Variants in RPS6KA1 observed in about 807,000 individuals in gnomAD.
RPS6KA1 encodes the protein ribosomal protein S6 kinase A1, also known as ribosomal protein S6 kinase alpha-1.
Under a neutral mutation model 91.3 loss-of-function variants are expected in RPS6KA1, and 48 were observed. That is an observed-to-expected ratio of 0.53 (90% CI 0.42 to 0.67). The LOEUF is 0.67. RPS6KA1 is among the 30% of genes least tolerant of loss of function. RPS6KA1 has a pLI of 0.00. For synonymous variants in RPS6KA1, 359 were observed against 384.7 expected (o/e 0.93, Z 0.78); for missense variants, 719 against 960.5 (o/e 0.75, Z 3.32).
Position 26,561,718 on chromosome 1 carries a change from A to G in RPS6KA1, c.1590+55A>G, listed in dbSNP as rs539352890. The stretch of plus-strand genomic sequence containing the variant: ...GGATGCCAAGGGTCATATCATCAGC[A>G]GAGAACATGAACCACCTGCTGGCCC... On this transcript the variant is annotated intron_variant, in intron 17 of 21. Transcript: ENST00000374168. This position sits in a 1 kb window ranked among gnomAD's most constrained non-coding sequence, Gnocchi z 5.7. 4.1e-5 allele frequency: 63 copies of G among 1,523,388 alleles called. No individual in the cohort carries two copies. Among genetic ancestry groups the G allele is most frequent in the African/African-American group, 3.3e-4 (24 of 72,690 alleles). The allele number at this position is 1,523,388 out of a possible 1,614,324, so 94.4% of individuals were successfully genotyped here. A position where few individuals can be genotyped will look rare whatever the true frequency, so the allele number is the denominator to read the frequency against.
chr1:26,530,881 C>A, intron 1 of RPS6KA1: 7 of 1,277,248 alleles, frequency 5.5e-6, no homozygotes, highest in Non-Finnish European at 7.1e-6. Flanking sequence ...TCCTCCTTAA[C>A]CTCTTGCTGG....
chr1:26,569,926 G>T (rs1358427441), intron 17 of RPS6KA1, among the ~76,000 whole-genome samples: 1 of 152,190 alleles, frequency 6.6e-6, no homozygotes, highest in African/African-American at 2.4e-5. Flanking sequence ...TAGGGACTTT[G>T]GGCTTTATCT....
chr1:26,573,174 C>T (rs1262420888), intron 20 of RPS6KA1, 50 bp from the exon 21 acceptor site: 8 of 1,591,400 alleles, frequency 5.0e-6, no homozygotes, highest in South Asian at 3.3e-5. Flanking sequence ...CCATCAGGGG[C>T]CTGCTCCCCT....
In RPS6KA1 at chr1:26,531,183, G is replaced by T. The variant is rs370617803; in HGVS notation, c.63+1200G>T. The stretch of plus-strand genomic sequence containing the variant: ...GGCTATTGGAGGGTGGGCGCGGCAG[G>T]ATTAGGTAACCAACCTGAAGGAGCA... On this transcript the variant is annotated intron_variant, in intron 1 of 21. Transcript: ENST00000374168. The T allele has an allele frequency of 4.0e-3, 626 of 157,608 alleles. 1 individual carries two copies. Among genetic ancestry groups the T allele is most frequent in the Admixed American group, 6.8e-3 (108 of 15,892 alleles). The allele number at this position is 157,608 out of a possible 1,614,324, so 9.8% of individuals were successfully genotyped here.
In RPS6KA1 at chr1:26,549,876, A is replaced by G. The variant is rs1168010575; in HGVS notation, c.308-1521A>G. Among the ~76,000 whole-genome samples, 4 of 119,910 alleles carry G rather than the reference A, an allele frequency of 3.3e-5. No homozygotes were observed. The South Asian group carries it at 1.1e-3, about 32-fold the overall frequency. The allele number at this position is 119,910 out of a possible 152,430, so 78.7% of individuals were successfully genotyped here. On this transcript the variant is annotated intron_variant, in intron 4 of 21. Coordinates refer to ENST00000374168, the MANE Select transcript of RPS6KA1 (RefSeq NM_002953.4). ...GCCACCACGCCTGGCTAATTTTTGT[A>G]TATATATTTTTTTCTTTTTTGAGAC... is the stretch of plus-strand genomic sequence containing the variant.
At chr1:26,541,502 C>CCA (rs2075947582) in intron 2 of RPS6KA1, among the ~76,000 whole-genome samples, 1 of 152,234 alleles carries the variant, frequency 6.6e-6, no homozygotes, top group African/African-American at 2.4e-5. Flanking sequence ...TTGCAGTGAG[C>CCA]TGAGATCTCA....
At chr1:26,567,169 G>A (rs977132644) in intron 17 of RPS6KA1, among the ~76,000 whole-genome samples, 9 of 151,762 alleles carry the variant, frequency 5.9e-5, no homozygotes, top group Admixed American at 1.3e-4. Flanking sequence ...GACTACAGGC[G>A]TGCCACCACA....
In RPS6KA1 at chr1:26,558,819, TC is replaced by T. The variant is rs745561139; in HGVS notation, c.1104del (p.Ser369AlafsTer18). ...TSRTPKDSPG[I>X]PPSAGAHQLF... The stretch of plus-strand genomic sequence containing the variant: ...TCCATCCGTACAGATTCCCCAGGCA[TC>T]CCCCCCAGCGCTGGGGCCCATCAGC... On this transcript the variant is annotated frameshift_variant, in exon 14 of 22. Coordinates refer to ENST00000374168, the MANE Select transcript of RPS6KA1 (RefSeq NM_002953.4). LOFTEE classifies it high-confidence loss of function. The surrounding 1 kb of genome is among the most constrained non-coding windows in gnomAD (Gnocchi z 4.0). 49 of 1,606,578 alleles carry T rather than the reference TC, an allele frequency of 3.0e-5. No homozygotes were observed. The highest frequency in any genetic ancestry group is 3.4e-5 in the Admixed American group (2 of 59,652).
chr1:26,545,443 TG>T (rs1333276091), intron 2 of RPS6KA1, among the ~76,000 whole-genome samples: 25 of 151,872 alleles, frequency 1.6e-4, no homozygotes, highest in South Asian at 4.2e-4. Flanking sequence ...CCCAAAGTGC[TG>T]GGATTACAGG....
rs2076157646 is a variant in RPS6KA1 at position 26,561,944 on chromosome 1, T to C, written c.1590+281T>C. Among the ~76,000 whole-genome samples, 1 of 152,200 alleles carries C rather than the reference T, an allele frequency of 6.6e-6. No homozygotes were observed. Among genetic ancestry groups the C allele is most frequent in the African/African-American group, 2.4e-5 (1 of 41,442 alleles). On this transcript the variant is annotated intron_variant, in intron 17 of 21. Coordinates refer to ENST00000374168, the MANE Select transcript of RPS6KA1 (RefSeq NM_002953.4). This position sits in a 1 kb window ranked among gnomAD's most constrained non-coding sequence, Gnocchi z 5.7. ...CAGACCAGGCATGGTAGCTCACGCC[T>C]GTAATCCCAGCAACTTGGGAGGGCA...
intron 2 of RPS6KA1, chr1:26,543,942 C>T (rs2075969883): frequency 5.0e-6 from 2 of 396,100 alleles, no homozygotes; most frequent in Non-Finnish European, 1.0e-5. Flanking sequence ...GGGTCCCCCT[C>T]AGGTCTTGGC....
chr1:26,543,190 T>C (rs183892190), intron 2 of RPS6KA1: 1 of 1,535,534 alleles, frequency 6.5e-7, no homozygotes, highest in East Asian at 2.4e-5. Flanking sequence ...TTCCCCAGGG[T>C]TGAGAGAGAC....
chr1:26,571,702 GTC>G lies in RPS6KA1; in HGVS notation c.1752+96_1752+97del, dbSNP rs1429596058. 5.3e-6 allele frequency: 8 copies of G among 1,523,702 alleles called. No individual in the cohort carries two copies. The East Asian group carries it at 1.7e-4, about 32-fold the overall frequency. The allele number at this position is 1,523,702 out of a possible 1,614,324, so 94.4% of individuals were successfully genotyped here. On this transcript the variant is annotated intron_variant, in intron 18 of 21. Coordinates refer to ENST00000374168, the MANE Select transcript of RPS6KA1 (RefSeq NM_002953.4). This position sits in a 1 kb window ranked among gnomAD's most constrained non-coding sequence, Gnocchi z 5.1. The stretch of plus-strand genomic sequence containing the variant: ...AGGCCCCACATTAGCCGGGACTCCA[GTC>G]TCTGTGACCTTGGCCCAGCTGGCAA...
At position 26,561,550 on chromosome 1, in the gene RPS6KA1, C is replaced by G; in HGVS notation, c.1477C>G (p.Arg493Gly). Residue 493 changes from arginine (R) to glycine (G), a missense_variant, in exon 17 of 22, where the codon CGG becomes GGG. Arg to Gly is a moderately radical substitution (Grantham distance 125). This residue lies in a region of RPS6KA1 where 249 missense variants were observed against 323.1 expected (regional missense o/e 0.77). Transcript: ENST00000374168. This position sits in a 1 kb window ranked among gnomAD's most constrained non-coding sequence, Gnocchi z 5.7. Reference protein sequence around the residue: ...KHVYLVTELMRGGELLDKILR... With the variant: ...KHVYLVTELMGGGELLDKILR... ...CGTGTACCTGGTGACAGAGCTGATG[C>G]GGGGTGGGGAGCTGCTGGACAAGAT... The G allele has an allele frequency of 6.2e-7, 1 of 1,613,954 alleles. No homozygotes were observed. The highest frequency in any genetic ancestry group is 8.5e-7 in the Non-Finnish European group (1 of 1,179,966).
At chr1:26,531,656 G>A (rs1227885743) in intron 1 of RPS6KA1, among the ~76,000 whole-genome samples, 2 of 152,208 alleles carry the variant, frequency 1.3e-5, no homozygotes, top group Admixed American at 1.3e-4. Flanking sequence ...GACTTCCTGG[G>A]ATTGGTGGGG....
intron 1 of RPS6KA1, chr1:26,531,319 C>T: frequency 6.6e-6 from 1 of 152,486 alleles, no homozygotes; most frequent in East Asian, 1.9e-4. Flanking sequence ...ACACTGCCCT[C>T]TGCAGCCCCT....
chr1:26,566,325 C>T (rs1238911898), intron 17 of RPS6KA1, among the ~76,000 whole-genome samples: 1 of 136,840 alleles, frequency 7.3e-6, no homozygotes, highest in African/African-American at 2.7e-5. Flanking sequence ...GCTCTGTTGC[C>T]CAGGCTGGAG....
chr1:26,532,719 T>G (rs1474409463), intron 1 of RPS6KA1, among the ~76,000 whole-genome samples: 2 of 152,204 alleles, frequency 1.3e-5, no homozygotes, highest in Non-Finnish European at 2.9e-5. Flanking sequence ...GCCCAGCTTC[T>G]CCAGACGCTG....
At chr1:26,568,380 T>G (rs1006274997) in intron 17 of RPS6KA1, among the ~76,000 whole-genome samples, 18 of 152,222 alleles carry the variant, frequency 1.2e-4, no homozygotes, top group African/African-American at 3.9e-4. Flanking sequence ...CCTACTATTC[T>G]GCCACTGGCA....
Sources: allele counts gnomAD v4.1 joint callset (sites outside exome capture counted in the v4.1 genomes callset), GRCh38; gene constraint gnomAD v4.1.1; regional missense constraint gnomAD v4.1.1; non-coding constraint Gnocchi (gnomAD v3.1); transcripts MANE v1.5; gene names NCBI Gene and HGNC (gene_info 2026-07-23, HGNC 2026-07-21).